Variants in SGCD observed in about 807,000 individuals in gnomAD.
SGCD encodes delta-sarcoglycan.
In SGCD, 18 loss-of-function variants were observed where a neutral mutation model predicts 36.6. The ratio of observed to expected loss-of-function variants is 0.49; its 90% confidence interval spans 0.34 to 0.73. SGCD has a LOEUF of 0.73. Among genes scored for constraint, SGCD ranks in the 30% least tolerant of loss-of-function variants. SGCD has a pLI of 0.01. For synonymous variants in SGCD, 133 were observed against 130.6 expected (o/e 1.02, Z -0.12); for missense variants, 387 against 346.7 (o/e 1.12, Z -0.92).
intron 6 of SGCD, among the ~76,000 whole-genome samples, chr5:156,616,393 A>G (rs1762020449): frequency 6.6e-6 from 1 of 152,182 alleles, no homozygotes; most frequent in Non-Finnish European, 1.5e-5. Flanking sequence ...CTCCAAAGGA[A>G]AATTGGGGTG....
chr5:156,696,915 A>AACACACACACACACACACAC (rs57963416), intron 7 of SGCD, among the ~76,000 whole-genome samples: 2 of 145,060 alleles, frequency 1.4e-5, no homozygotes, highest in Admixed American at 6.8e-5. Flanking sequence ...CCTTACACAC[A>AACACACACACACACACACAC]ACACACACAC....
At chr5:155,835,113 T>A in the SGCD span, among the ~76,000 whole-genome samples, 1 of 145,230 alleles carries the variant, frequency 6.9e-6, no homozygotes, top group Non-Finnish European at 1.5e-5. Context: ...GTTCAAGCAA[T>A]TCTCCCTGCC....
intron 2 of SGCD, among the ~76,000 whole-genome samples, chr5:156,340,903 C>A (rs564690883): frequency 2.0e-5 from 3 of 152,182 alleles, no homozygotes; most frequent in South Asian, 4.1e-4. Flanking sequence ...ATTTCCCTTT[C>A]CATGCAGGAT....
rs1753525660 is a variant in SGCD at position 156,442,241 on chromosome 5, G to A, written c.193-66360G>A. On this transcript the variant is annotated intron_variant, in intron 3 of 8. Transcript: ENST00000337851. ...GATGAAATGTATGCAAATCAGCTGA[G>A]TAAGTTCTGCAGGTGTGGCTGGGTT... Among the ~76,000 whole-genome samples the A allele has an allele frequency of 2.6e-5, 4 of 152,182 alleles. No homozygotes were observed. In the South Asian group the frequency reaches 8.3e-4, roughly 32 times the overall value.
chr5:156,611,489 A>T (rs1761807573), intron 6 of SGCD, among the ~76,000 whole-genome samples: 3 of 152,202 alleles, frequency 2.0e-5, no homozygotes, highest in African/African-American at 7.2e-5. Context: ...AGTCTATTAG[A>T]TATTTTCTTA....
At chr5:156,462,573 A>T (rs1427652461) in intron 3 of SGCD, among the ~76,000 whole-genome samples, 1 of 152,196 alleles carries the variant, frequency 6.6e-6, no homozygotes, top group African/African-American at 2.4e-5. Context: ...TAAATCAGAT[A>T]ACCTAACTTA....
Position 156,214,482 on chromosome 5 carries a change from A to G in SGCD, c.-44+90463A>G, listed in dbSNP as rs377188218. ...AGAAGCCATAAATAAATGGAAAGAT[A>G]TGTCGTGTTTATGGATTGGAAGAAT... is the stretch of plus-strand genomic sequence containing the variant. On this transcript the variant is annotated intron_variant, in intron 3 of 9. Transcript: ENST00000517913. Among the ~76,000 whole-genome samples the G allele has an allele frequency of 2.0e-5, 3 of 152,162 alleles. No homozygotes were observed. The South Asian group carries it at 6.2e-4, about 31-fold the overall frequency.
At chr5:156,047,167 G>A (rs1389238585) in intron 1 of SGCD, among the ~76,000 whole-genome samples, 1 of 152,080 alleles carries the variant, frequency 6.6e-6, no homozygotes, top group Non-Finnish European at 1.5e-5. Context: ...AAGAAAAGTT[G>A]GAAACCAGCA....
At chr5:155,758,770 G>C in the SGCD span, among the ~76,000 whole-genome samples, 4 of 152,260 alleles carry the variant, frequency 2.6e-5, no homozygotes, top group Middle Eastern at 3.4e-3. Context: ...TGGAAAAATT[G>C]TCTTCCACAA....
chr5:156,037,900 C>A (rs1009009606), intron 1 of SGCD, among the ~76,000 whole-genome samples: 2 of 152,114 alleles, frequency 1.3e-5, no homozygotes, highest in Admixed American at 1.3e-4. Context: ...GTAGTAGCTA[C>A]AGGGTGCAGG....
rs1020765422 is a variant in SGCD at position 156,761,654 on chromosome 5, T to G, written c.*2264T>G. ...TTTAAAGTAGACTGTCTTTGCATTTTGCCATCTGAAGTTCATTAATCTTTA... is the reference window on the plus strand; with the variant it reads ...TTTAAAGTAGACTGTCTTTGCATTTGGCCATCTGAAGTTCATTAATCTTTA... On this transcript the variant is annotated 3_prime_UTR_variant, in exon 9 of 9. Transcript: ENST00000337851. 7 of 152,214 alleles carry G rather than the reference T, an allele frequency of 4.6e-5. No individual in the cohort carries two copies. The highest frequency in any genetic ancestry group is 1.3e-4 in the Admixed American group (2 of 15,286). The allele number at this position is 152,214 out of a possible 1,614,324, so 9.4% of individuals were successfully genotyped here.
At chr5:156,624,857 A>G (rs1423347689) in intron 6 of SGCD, among the ~76,000 whole-genome samples, 1 of 152,192 alleles carries the variant, frequency 6.6e-6, no homozygotes, top group African/African-American at 2.4e-5. Context: ...ACAGATTGCA[A>G]ATAGGCTGAT....
chr5:155,857,777 C>A, the SGCD span, among the ~76,000 whole-genome samples: 25 of 151,864 alleles, frequency 1.6e-4, no homozygotes, highest in Non-Finnish European at 5.9e-5. Flanking sequence ...CTTTTAGTGT[C>A]TATATATTTA....
At chr5:156,401,174 G>T (rs1404434123) in intron 3 of SGCD, among the ~76,000 whole-genome samples, 1 of 152,186 alleles carries the variant, frequency 6.6e-6, no homozygotes, top group East Asian at 1.9e-4. Context: ...AACAGAAATT[G>T]AGATTCCCAG....
At chr5:156,200,078 A>G (rs1764108844) in intron 3 of SGCD, among the ~76,000 whole-genome samples, 2 of 152,172 alleles carry the variant, frequency 1.3e-5, no homozygotes, top group African/African-American at 4.8e-5. Context: ...AATATTGTTA[A>G]AATGCTCATA....
chr5:156,245,668 GA>G (rs1765421613), intron 3 of SGCD, among the ~76,000 whole-genome samples: 2 of 151,972 alleles, frequency 1.3e-5, no homozygotes, highest in Non-Finnish European at 2.9e-5. Context: ...CATGTTACGG[GA>G]AATACAGGGG....
At chr5:155,764,203 A>G in the SGCD span, among the ~76,000 whole-genome samples, 1 of 152,190 alleles carries the variant, frequency 6.6e-6, no homozygotes, top group Non-Finnish European at 1.5e-5. Flanking sequence ...GAAATATCCA[A>G]GAGCTAATAC....
At chr5:156,611,028 C>T (rs975958119) in intron 6 of SGCD, among the ~76,000 whole-genome samples, 17 of 152,328 alleles carry the variant, frequency 1.1e-4, no homozygotes, top group African/African-American at 3.6e-4. Flanking sequence ...GGCTCATGCT[C>T]GGTGTGCTGC....
At chr5:156,137,752 G>A (rs1033837190) in intron 3 of SGCD, among the ~76,000 whole-genome samples, 8 of 152,120 alleles carry the variant, frequency 5.3e-5, no homozygotes, top group Non-Finnish European at 8.8e-5. Flanking sequence ...GGGTGGGGCC[G>A]GCAGCATTAC....
Sources: gnomAD v4.1 joint callset for allele counts (sites outside exome capture counted in the v4.1 genomes callset) on GRCh38, gnomAD v4.1.1 for gene constraint, MANE v1.5 for transcripts, NCBI Gene and HGNC (gene_info 2026-07-23, HGNC 2026-07-21) for gene names.